CLEC16A: variants seen among roughly 807,000 people sequenced by gnomAD.
CLEC16A encodes protein CLEC16A.
A neutral mutation model predicts 109.5 loss-of-function variants in CLEC16A; 51 were observed. The observed-to-expected ratio is 0.47, with a 90% CI of 0.37 to 0.59. The LOEUF is 0.59. Ranked by LOEUF, CLEC16A falls within the 20% of genes least tolerant of loss-of-function variation. CLEC16A has a pLI of 0.00. For missense variants in CLEC16A, 1,339 were observed against 1,394.0 expected (o/e 0.96, Z 0.63); for synonymous variants, 673 against 564.2 (o/e 1.19, Z -2.73).
chr16:11,033,295 G>A (rs1271308243), intron 13 of CLEC16A, among the ~76,000 whole-genome samples: 1 of 152,130 alleles, frequency 6.6e-6, no homozygotes, highest in East Asian at 1.9e-4. Context: ...GATTTGAAAG[G>A]AGGGGGCATG....
At chr16:10,966,632 G>A (rs1398691575) in intron 3 of CLEC16A, among the ~76,000 whole-genome samples, 1 of 152,182 alleles carries the variant, frequency 6.6e-6, no homozygotes, top group Admixed American at 6.5e-5. Flanking sequence ...GAGGCCTCAG[G>A]AAACTTACAA....
chr16:10,949,159 T>G (rs1596698828), intron 1 of CLEC16A, among the ~76,000 whole-genome samples: 1 of 152,154 alleles, frequency 6.6e-6, no homozygotes, highest in South Asian at 2.1e-4. Flanking sequence ...CCATGGCAGG[T>G]AGACAGACGC....
intron 10 of CLEC16A, among the ~76,000 whole-genome samples, chr16:11,000,891 C>T (rs1414106465): frequency 1.3e-5 from 2 of 151,932 alleles, no homozygotes; most frequent in Non-Finnish European, 2.9e-5. Flanking sequence ...AATTGGTGGT[C>T]GTTTGGGGTA....
At chr16:11,001,527 G>A (rs2152748845) in intron 10 of CLEC16A, among the ~76,000 whole-genome samples, 1 of 152,350 alleles carries the variant, frequency 6.6e-6, no homozygotes, top group Non-Finnish European at 1.5e-5. Context: ...GTAGCTGTGT[G>A]ACATTGGGCA....
chr16:10,987,932 G>A (rs2043771949), intron 10 of CLEC16A, among the ~76,000 whole-genome samples: 1 of 152,188 alleles, frequency 6.6e-6, no homozygotes, highest in African/African-American at 2.4e-5. Context: ...AGAAGCAGAG[G>A]GGAGATCACA....
chr16:11,027,827 T>G, intron 13 of CLEC16A: 3 of 746,692 alleles, frequency 4.0e-6, no homozygotes, highest in Non-Finnish European at 6.9e-6. Context: ...TTTTGTTGTT[T>G]TGGGAATTTT....
In CLEC16A at chr16:11,124,514, G is replaced by A. The variant is rs569169951; in HGVS notation, c.2473+568G>A. On this transcript the variant is annotated intron_variant, in intron 21 of 23. Transcript: ENST00000409790. ...TCATTTTACATTTCACGGGGATTGC[G>A]GTGAATTTCTGAGGAAGCCCAACAC... Among the ~76,000 whole-genome samples the A allele has an allele frequency of 2.2e-4, 33 of 152,260 alleles. No individual in the cohort carries two copies. In the South Asian group the frequency reaches 2.3e-3, roughly 11 times the overall value.
intron 23 of CLEC16A, among the ~76,000 whole-genome samples, chr16:11,177,090 C>T (rs914548225): frequency 7.9e-5 from 12 of 152,222 alleles, no homozygotes; most frequent in African/African-American, 1.7e-4. Flanking sequence ...GATATAGCAT[C>T]GTCAGCACCT....
rs200966040 is a variant in CLEC16A, at chr16:11,024,845, C to T, written c.1461C>T (p.His487=). ...GACCCTTCCTGGATATGGTGTACCA[C>T]GCGCTGGACAGCCCGGATGATGATT... ...WSRPFLDMVY[H]ALDSPDDDYH... Residue 487 remains histidine, a synonymous_variant, in exon 13 of 24, where the codon CAC becomes CAT. Coordinates refer to ENST00000409790, the MANE Select transcript of CLEC16A (RefSeq NM_015226.3). The T allele has an allele frequency of 6.9e-5, 111 of 1,606,220 alleles. No individual in the cohort carries two copies. Among genetic ancestry groups the T allele is most frequent in the African/African-American group, 3.3e-4 (25 of 74,904 alleles).
intron 19 of CLEC16A, among the ~76,000 whole-genome samples, chr16:11,110,066 G>A (rs149146376): frequency 3.3e-4 from 50 of 152,290 alleles, no homozygotes; most frequent in African/African-American, 1.1e-3. Context: ...CCCATTTATC[G>A]CTCAGTAATG....
In CLEC16A at chr16:11,180,994, G is replaced by C. The variant is rs981481970; in HGVS notation, c.*2304G>C. ...AAAAGGGCAGTCCCCATGTGGGCTT[G>C]CAGGGTCACTCTCAGGGGCCTCTTT... On this transcript the variant is annotated 3_prime_UTR_variant, in exon 24 of 24. Coordinates refer to ENST00000409790, the MANE Select transcript of CLEC16A (RefSeq NM_015226.3). 2.0e-5 allele frequency: 3 copies of C among 152,488 alleles called. No homozygotes were observed. The highest frequency in any genetic ancestry group is 7.2e-5 in the African/African-American group (3 of 41,478). The allele number at this position is 152,488 out of a possible 1,614,324, so 9.4% of individuals were successfully genotyped here.
intron 21 of CLEC16A, 58 bp from the exon 22 acceptor site, chr16:11,125,912 CCCAAATTCT>C: frequency 4.4e-6 from 1 of 225,730 alleles, no homozygotes; most frequent in Non-Finnish European, 9.3e-6. Flanking sequence ...TGTCCCCCCC[CCCAAATTCT>C]CACCACCCCC....
intron 19 of CLEC16A, among the ~76,000 whole-genome samples, chr16:11,118,822 G>A (rs2052193264): frequency 6.6e-6 from 1 of 152,130 alleles, no homozygotes. Flanking sequence ...TATACAGTGA[G>A]AAAGAGGGGT....
At position 11,078,285 on chromosome 16, in the gene CLEC16A, G is replaced by A. The variant is rs79935182; in HGVS notation, c.2116+17263G>A. On this transcript the variant is annotated intron_variant, in intron 19 of 23. Coordinates refer to ENST00000409790, the MANE Select transcript of CLEC16A (RefSeq NM_015226.3). Reference sequence around the variant, plus strand: ...GAAGGTTCTGAGTCACTGGCTCCGGGGTGGGGCCCTGACATCTATATTTTC... The same window carrying A: ...GAAGGTTCTGAGTCACTGGCTCCGGAGTGGGGCCCTGACATCTATATTTTC... Among the ~76,000 whole-genome samples the A allele has an allele frequency of 3.3e-5, 5 of 152,178 alleles. No individual in the cohort carries two copies. In the East Asian group the frequency reaches 9.6e-4, roughly 29 times the overall value.
intron 10 of CLEC16A, among the ~76,000 whole-genome samples, chr16:11,002,631 C>T (rs571765534): frequency 1.3e-5 from 2 of 152,100 alleles, no homozygotes; most frequent in Admixed American, 1.3e-4. Flanking sequence ...CAAACACCCT[C>T]CCATCATCCA....
At chr16:11,009,154 C>A (rs2045241531) in intron 11 of CLEC16A, among the ~76,000 whole-genome samples, 1 of 152,086 alleles carries the variant, frequency 6.6e-6, no homozygotes. Context: ...TTTGACTGCT[C>A]TAGGTCGTTT....
chr16:11,154,243 G>C (rs535400221), intron 22 of CLEC16A, among the ~76,000 whole-genome samples: 11 of 152,338 alleles, frequency 7.2e-5, no homozygotes, highest in African/African-American at 2.6e-4. Flanking sequence ...AGAGTAGATT[G>C]AACCATATGA....
intron 19 of CLEC16A, among the ~76,000 whole-genome samples, chr16:11,095,646 T>C (rs2152973894): frequency 6.6e-6 from 1 of 152,144 alleles, no homozygotes; most frequent in Non-Finnish European, 1.5e-5. Flanking sequence ...ACCCCATCTC[T>C]ACTAAAAATA....
chr16:11,155,292 T>C (rs1195969110), intron 22 of CLEC16A, among the ~76,000 whole-genome samples: 1 of 152,232 alleles, frequency 6.6e-6, no homozygotes, highest in African/African-American at 2.4e-5. Flanking sequence ...CACTCTGCTT[T>C]AGAGTGACAA....
Sources: allele counts gnomAD v4.1 joint callset (sites outside exome capture counted in the v4.1 genomes callset), GRCh38; gene constraint gnomAD v4.1.1; transcripts MANE v1.5; gene names NCBI Gene and HGNC (gene_info 2026-07-23, HGNC 2026-07-21).